SEPTIN2: variants seen among roughly 807,000 people sequenced by gnomAD.
SEPTIN2 encodes septin 2, also known as septin-2.
In SEPTIN2, 34 loss-of-function variants were observed where a neutral mutation model predicts 46.5. The ratio of observed to expected loss-of-function variants is 0.73; its 90% CI spans 0.56 to 0.97. The LOEUF (loss-of-function observed/expected upper bound fraction) is 0.97. SEPTIN2 is among the 50% of genes least tolerant of loss of function. The probability of loss-of-function intolerance (pLI) is 0.00; values close to 1 mark genes in which losing one functional copy is unlikely to be tolerated. For synonymous variants in SEPTIN2, 175 were observed against 153.4 expected (o/e 1.14, Z -1.04); for missense variants, 347 against 448.4 (o/e 0.77, Z 2.04).
In SEPTIN2 at chr2:241,337,401, T is replaced by C; in HGVS notation, c.361T>C (p.Tyr121His). 2 of 1,614,002 alleles carry C rather than the reference T, an allele frequency of 1.2e-6. No individual in the cohort carries two copies. The highest frequency in any genetic ancestry group is 1.7e-6 in the Non-Finnish European group (2 of 1,179,910). Residue 121 changes from tyrosine (Y) to histidine (H), a missense_variant, in exon 6 of 13, where the codon TAT becomes CAT. By Grantham distance (83) the Tyr-to-His change is moderately conservative. Transcript: ENST00000391971. Reference sequence around the variant, plus strand: ...TCTCAGTTTTAAGACAATTATCTCCTATATTGATGAGCAATTTGAGAGGTA... The same window carrying C: ...TCTCAGTTTTAAGACAATTATCTCCCATATTGATGAGCAATTTGAGAGGTA... ...CRDCFKTIIS[Y>H]IDEQFERYLH...
intron 4 of SEPTIN2, 176 bp downstream of exon 4, chr2:241,335,388 G>T (rs2079780920): frequency 6.5e-7 from 1 of 1,548,292 alleles, no homozygotes. Context: ...GATTTGGGTT[G>T]TAGACTTTCT....
chr2:241,331,024 C>T (rs1331710948), intron 3 of SEPTIN2, among the ~76,000 whole-genome samples: 3 of 152,136 alleles, frequency 2.0e-5, no homozygotes, highest in Non-Finnish European at 2.9e-5. Context: ...TTGTAAAGTA[C>T]TGAAATTAGC....
In SEPTIN2 at chr2:241,351,949, T is replaced by G. The variant is rs1200645359; in HGVS notation, c.*30-18T>G. The G allele has an allele frequency of 2.0e-5, 3 of 152,674 alleles. No homozygotes were observed. The highest frequency in any genetic ancestry group is 7.2e-5 in the African/African-American group (3 of 41,470). 9.5% of individuals were successfully genotyped at this position (152,674 alleles called of 1,614,324 possible). ...TGCCTCACTCCCACTTAAGTGTGTT[T>G]TGTTTTCTTTTTTCTAGAAAACACT... On this transcript the variant is annotated intron_variant, in intron 12 of 12. Transcript: ENST00000391971.
Position 241,352,565 on chromosome 2 carries a change from T to A in SEPTIN2, c.*628T>A, listed in dbSNP as rs1331854402. The A allele has an allele frequency of 2.0e-5, 3 of 152,668 alleles. No homozygotes were observed. The highest frequency in any genetic ancestry group is 2.9e-5 in the Non-Finnish European group (2 of 68,042). The allele number at this position is 152,668 out of a possible 1,614,324, so 9.5% of individuals were successfully genotyped here. A position where few individuals can be genotyped will look rare whatever the true frequency, so the allele number is the denominator to read the frequency against. On this transcript the variant is annotated 3_prime_UTR_variant, in exon 13 of 13. Coordinates refer to ENST00000391971, the MANE Select transcript of SEPTIN2 (RefSeq NM_004404.5). Reference sequence around the variant, plus strand: ...TAATAGAATTTCCTAATGAGATATATCTTTATACTTAAACAGCTTTTTTAG... The same window carrying A: ...TAATAGAATTTCCTAATGAGATATAACTTTATACTTAAACAGCTTTTTTAG...
At chr2:241,342,461 G>C (rs899714251) in intron 7 of SEPTIN2, among the ~76,000 whole-genome samples, 1 of 148,710 alleles carries the variant, frequency 6.7e-6, no homozygotes, top group African/African-American at 2.5e-5. Context: ...GTGCATTATT[G>C]CTAATGTTAT....
At chr2:241,344,015 G>C (rs944738477) in intron 9 of SEPTIN2, 118 bp downstream of exon 9, 3 of 1,243,238 alleles carry the variant, frequency 2.4e-6, no homozygotes, top group Non-Finnish European at 3.4e-6. Flanking sequence ...GCCGCCCTCA[G>C]TGTTTCTCAC....
chr2:241,350,514 A>T (rs1467348294), intron 12 of SEPTIN2, among the ~76,000 whole-genome samples: 2 of 152,212 alleles, frequency 1.3e-5, no homozygotes, highest in African/African-American at 4.8e-5. Flanking sequence ...GAAATTATGT[A>T]TTAAAGCACT....
chr2:241,338,877 A>G (rs2080749736), intron 7 of SEPTIN2, among the ~76,000 whole-genome samples: 2 of 64,520 alleles, frequency 3.1e-5, no homozygotes, highest in South Asian at 7.8e-4. Context: ...TATATTTAAT[A>G]TATCTATAAT....
Position 241,352,289 on chromosome 2 carries a change from G to C in SEPTIN2, c.*352G>C, listed in dbSNP as rs2060850918. 6.6e-6 allele frequency: 1 copy of C among 152,584 alleles called. No homozygotes were observed. The highest frequency in any genetic ancestry group is 1.5e-5 in the Non-Finnish European group (1 of 68,040). 9.5% of individuals were successfully genotyped at this position (152,584 alleles called of 1,614,324 possible). A position where few individuals can be genotyped will look rare whatever the true frequency, so the allele number is the denominator to read the frequency against. ...CTGACTTAACAACTGACTAACCATTGATGAGCACTCCTGATTTTTATCTAG... is the reference window on the plus strand; with the variant it reads ...CTGACTTAACAACTGACTAACCATTCATGAGCACTCCTGATTTTTATCTAG... On this transcript the variant is annotated 3_prime_UTR_variant, in exon 13 of 13. Coordinates refer to ENST00000391971, the MANE Select transcript of SEPTIN2 (RefSeq NM_004404.5).
chr2:241,317,368 G>C (rs909423739), intron 1 of SEPTIN2: 1 of 184,998 alleles, frequency 5.4e-6, no homozygotes, highest in African/African-American at 2.4e-5. Context: ...AAGAACAAGA[G>C]CGTTTTAATT....
intron 7 of SEPTIN2, among the ~76,000 whole-genome samples, chr2:241,338,582 T>C (rs1243086669): frequency 1.5e-5 from 2 of 136,160 alleles, no homozygotes; most frequent in African/African-American, 5.4e-5. Context: ...ATACGCTGTC[T>C]CTAAAAAAAT....
At chr2:241,315,909 C>G (rs970013054), upstream of SEPTIN2, 1 of 151,860 alleles carries the variant, frequency 6.6e-6, no homozygotes, top group South Asian at 2.1e-4. Context: ...CTGGGGCGGG[C>G]TGTGAGCGGA....
chr2:241,349,509 C>T (rs2060590216), intron 11 of SEPTIN2, among the ~76,000 whole-genome samples: 1 of 152,084 alleles, frequency 6.6e-6, no homozygotes, highest in Admixed American at 6.5e-5. Context: ...CAGTCTCTTT[C>T]CCTCCTTTTA....
intron 1 of SEPTIN2, chr2:241,316,449 C>T: frequency 1.4e-6 from 2 of 1,458,760 alleles, no homozygotes; most frequent in East Asian, 2.7e-5. Context: ...GCCCCCAAAC[C>T]TCCAAGCCCA....
At chr2:241,331,163 AGCG>A (rs2078938080) in intron 3 of SEPTIN2, among the ~76,000 whole-genome samples, 1 of 152,194 alleles carries the variant, frequency 6.6e-6, no homozygotes, top group African/African-American at 2.4e-5. Context: ...TGCATGACAG[AGCG>A]AGACTCCGTC....
intron 7 of SEPTIN2, among the ~76,000 whole-genome samples, chr2:241,339,571 G>T (rs1168232192): frequency 6.6e-6 from 1 of 152,120 alleles, no homozygotes; most frequent in Non-Finnish European, 1.5e-5. Flanking sequence ...CTTCCTGGAT[G>T]CACAGCATTC....
chr2:241,333,837 C>G (rs934936508), intron 3 of SEPTIN2, among the ~76,000 whole-genome samples: 1 of 152,122 alleles, frequency 6.6e-6, no homozygotes, highest in African/African-American at 2.4e-5. Flanking sequence ...CTTATTTGTT[C>G]TTGATTTTCC....
chr2:241,349,260 T>C (rs572192665), intron 11 of SEPTIN2, among the ~76,000 whole-genome samples: 1 of 151,884 alleles, frequency 6.6e-6, no homozygotes, highest in Admixed American at 6.6e-5. Flanking sequence ...TCCCAGCTAC[T>C]CGGGAGGCTG....
At chr2:241,342,841 T>G in intron 7 of SEPTIN2, 151 bp from the exon 8 acceptor site, 1 of 566,078 alleles carries the variant, frequency 1.8e-6, no homozygotes, top group East Asian at 3.1e-5. Context: ...CGGCCGCAGT[T>G]TTATAAATTT....
Sources: gnomAD v4.1 joint callset for allele counts (sites outside exome capture counted in the v4.1 genomes callset) on GRCh38, gnomAD v4.1.1 for gene constraint, MANE v1.5 for transcripts, NCBI Gene and HGNC (gene_info 2026-07-23, HGNC 2026-07-21) for gene names.